The following AASS variants were observed in gnomAD, a reference collection of about 807,000 sequenced individuals.
AASS encodes the protein aminoadipate-semialdehyde synthase, also known as alpha-aminoadipic semialdehyde synthase, mitochondrial.
A neutral mutation model predicts 105.4 loss-of-function variants in AASS; 86 were observed. The ratio of observed to expected loss-of-function variants is 0.82; its 90% confidence interval spans 0.69 to 0.98. The LOEUF is 0.98. Among genes scored for constraint, AASS ranks in the 50% least tolerant of loss-of-function variants. The pLI is 0.00. For missense variants in AASS, 1,048 were observed against 1,143.2 expected (o/e 0.92, Z 1.20); for synonymous variants, 381 against 394.8 (o/e 0.96, Z 0.41).
intron 15 of AASS, among the ~76,000 whole-genome samples, chr7:122,097,040 A>T (rs756739682): frequency 8.5e-5 from 13 of 152,132 alleles, no homozygotes; most frequent in Non-Finnish European, 1.3e-4. Context: ...TTTCTAAATA[A>T]AAATTAACGC....
chr7:122,097,269 G>C (rs1229317451), intron 15 of AASS, among the ~76,000 whole-genome samples: 1 of 151,572 alleles, frequency 6.6e-6, no homozygotes. Flanking sequence ...ATCACTATGA[G>C]GGAACAGATA....
In AASS at chr7:122,127,668, CT is replaced by C. The variant is rs753570167; in HGVS notation, c.388-1210del. On this transcript the variant is annotated intron_variant, in intron 3 of 23. Coordinates refer to ENST00000417368, the MANE Select transcript of AASS (RefSeq NM_005763.4). The stretch of plus-strand genomic sequence containing the variant: ...TGGAATCAATTGGAAGTATTTTACA[CT>C]CCTATATAATAGGTATTTTCCATTG... Among the ~76,000 whole-genome samples, 19 of 152,296 alleles carry C rather than the reference CT, an allele frequency of 1.2e-4. No homozygotes were observed. The East Asian group carries it at 3.3e-3, about 26-fold the overall frequency.
intron 1 of AASS, among the ~76,000 whole-genome samples, chr7:122,142,212 C>T (rs1231342751): frequency 6.6e-6 from 1 of 152,164 alleles, no homozygotes; most frequent in Non-Finnish European, 1.5e-5. Context: ...ACCTCTACCT[C>T]TTAGGGCTCT....
chr7:122,091,881 C>A, intron 17 of AASS, 38 bp from the exon 18 acceptor site: 1 of 1,420,042 alleles, frequency 7.0e-7, no homozygotes, highest in Non-Finnish European at 9.9e-7. Context: ...GAAGAATTCA[C>A]AACTTAGAGA....
At chr7:122,087,652 A>T in intron 18 of AASS, among the ~76,000 whole-genome samples, 1 of 152,178 alleles carries the variant, frequency 6.6e-6, no homozygotes, top group Non-Finnish European at 1.5e-5. Flanking sequence ...GCCTGAGCCC[A>T]GGAGTTTGAG....
intron 15 of AASS, 83 bp from the exon 16 acceptor site, chr7:122,093,241 C>T (rs765254182): frequency 1.3e-4 from 126 of 975,126 alleles, no homozygotes; most frequent in Non-Finnish European, 2.0e-4. Context: ...AAAGCTGCAT[C>T]TTAAGGTACT....
intron 11 of AASS, among the ~76,000 whole-genome samples, chr7:122,111,182 T>C (rs1467103350): frequency 1.3e-5 from 2 of 152,128 alleles, no homozygotes; most frequent in African/African-American, 4.8e-5. Context: ...GTGGTTTTTA[T>C]AACTATGTTC....
rs1792936888 is a variant in AASS, at chr7:122,075,027, TTTTG to T, written c.*1458_*1461del. On this transcript the variant is annotated 3_prime_UTR_variant, in exon 24 of 24. Transcript: ENST00000417368. ...ATGAGTGTCATCACATCCAGCTGTTTTTTGTTTGCTTGTTGTTTTTTGTTTGTTT... is the reference window on the plus strand; with the variant it reads ...ATGAGTGTCATCACATCCAGCTGTTTTTTGCTTGTTGTTTTTTGTTTGTTT... Among the ~76,000 whole-genome samples the T allele has an allele frequency of 6.6e-6, 1 of 152,054 alleles. No homozygotes were observed. Among genetic ancestry groups the T allele is most frequent in the African/African-American group, 2.4e-5 (1 of 41,394 alleles).
intron 21 of AASS, 42 bp from the exon 22 acceptor site, chr7:122,078,992 ACATGTTCT>A: frequency 6.2e-7 from 1 of 1,613,702 alleles, no homozygotes; most frequent in Non-Finnish European, 8.5e-7. Flanking sequence ...CAAGTCCTAT[ACATGTTCT>A]CATTTGGGAA....
chr7:122,127,372 T>C (rs543924159), intron 3 of AASS, among the ~76,000 whole-genome samples: 2 of 152,204 alleles, frequency 1.3e-5, no homozygotes, highest in Non-Finnish European at 2.9e-5. Flanking sequence ...ATTTTTATTA[T>C]GTTCATGAAT....
chr7:122,113,819 CA>C, intron 9 of AASS, 99 bp from the exon 10 acceptor site: 2 of 1,351,448 alleles, frequency 1.5e-6, no homozygotes, highest in Non-Finnish European at 2.0e-6. Context: ...ATGTGGATCC[CA>C]AATATTTTCC....
rs1792958473 is a variant in AASS at position 122,075,491 on chromosome 7, C to G, written c.*998G>C. Among the ~76,000 whole-genome samples the G allele has an allele frequency of 6.6e-6, 1 of 152,164 alleles. No homozygotes were observed. Among genetic ancestry groups the G allele is most frequent in the Non-Finnish European group, 1.5e-5 (1 of 68,034 alleles). On this transcript the variant is annotated 3_prime_UTR_variant, in exon 24 of 24. Transcript: ENST00000417368. ...GAATAGAAATGGCCAAAGCAGACAT[C>G]CTTGTCTTGTTTCTGATCTCAGGGG... is the stretch of plus-strand genomic sequence containing the variant.
chr7:122,122,674 G>C, intron 4 of AASS, among the ~76,000 whole-genome samples: 1 of 152,148 alleles, frequency 6.6e-6, no homozygotes, highest in East Asian at 1.9e-4. Context: ...ATGAGGAGTA[G>C]AGGAAATCAA....
In AASS at chr7:122,091,809, G is replaced by A. The variant is rs1292434754; in HGVS notation, c.1910C>T (p.Pro637Leu). The A allele has an allele frequency of 6.2e-7, 1 of 1,612,456 alleles. No homozygotes were observed. Among genetic ancestry groups the A allele is most frequent in the South Asian group, 1.1e-5 (1 of 91,026 alleles). The change falls in exon 18 of 24, where the codon CCA becomes CTA. Residue 637 changes from proline (P) to leucine (L), a missense_variant. Coordinates refer to ENST00000417368, the MANE Select transcript of AASS (RefSeq NM_005763.4). ...ESYISYCGGL[P>L]APEHSNNPLR... The stretch of plus-strand genomic sequence containing the variant: ...TGGATTGTTTGAATGTTCAGGGGCT[G>A]GAAGCCCACCACAGTAGGAAATATA...
chr7:122,078,454 A>T (rs530223296), intron 22 of AASS, among the ~76,000 whole-genome samples: 2 of 152,064 alleles, frequency 1.3e-5, no homozygotes, highest in Admixed American at 6.5e-5. Flanking sequence ...TCTACTAAAA[A>T]TACAAAAATT....
At chr7:122,091,903 A>G in intron 17 of AASS, 60 bp from the exon 18 acceptor site, 2 of 1,217,636 alleles carry the variant, frequency 1.6e-6, no homozygotes, top group African/African-American at 1.5e-5. Context: ...TGTCTAAGTA[A>G]TTAATTGAAG....
intron 3 of AASS, among the ~76,000 whole-genome samples, chr7:122,128,790 T>C (rs1795774340): frequency 6.6e-6 from 1 of 152,074 alleles, no homozygotes; most frequent in Non-Finnish European, 1.5e-5. Flanking sequence ...AATGTAAAAA[T>C]TGTCTCAGCC....
intron 11 of AASS, among the ~76,000 whole-genome samples, chr7:122,104,614 C>T (rs279664): frequency 0.63 from 95,866 of 151,894 alleles, 32,202 homozygotes; most frequent in African/African-American, 0.89. Context: ...AATGAAACTA[C>T]GTCCTTTGCA....
intron 4 of AASS, among the ~76,000 whole-genome samples, chr7:122,121,447 T>G (rs1278721712): frequency 6.6e-6 from 1 of 152,048 alleles, no homozygotes; most frequent in Non-Finnish European, 1.5e-5. Flanking sequence ...CAGGCTGGAG[T>G]GTAGTGGCAT....
Sources: gnomAD v4.1 joint callset for allele counts (sites outside exome capture counted in the v4.1 genomes callset) on GRCh38, gnomAD v4.1.1 for gene constraint, MANE v1.5 for transcripts, NCBI Gene and HGNC (gene_info 2026-07-23, HGNC 2026-07-21) for gene names.